UBR1: variants seen among roughly 807,000 people sequenced by gnomAD.
The protein encoded by UBR1 is ubiquitin protein ligase E3 component n-recognin 1, also known as E3 ubiquitin-protein ligase UBR1.
Under a neutral mutation model 242.1 loss-of-function variants are expected in UBR1, and 102 were observed. That is an observed-to-expected ratio of 0.42 (90% CI 0.36 to 0.50). The LOEUF (loss-of-function observed/expected upper bound fraction) is 0.50. Ranked by LOEUF, UBR1 falls within the 20% of genes least tolerant of loss-of-function variation. The pLI is 0.01. For synonymous variants in UBR1, 675 were observed against 684.8 expected (o/e 0.99, Z 0.22); for missense variants, 1,772 against 2,101.8 (o/e 0.84, Z 3.07).
chr15:42,969,949 C>CAT (rs2032176066), intron 40 of UBR1, among the ~76,000 whole-genome samples: 1 of 152,182 alleles, frequency 6.6e-6, no homozygotes, highest in Non-Finnish European at 1.5e-5. Flanking sequence ...ATGCTATCCC[C>CAT]ATCAAGCTAC....
At chr15:42,985,073 GTGTTT>G (rs2032438810) in intron 35 of UBR1, 131 bp from the exon 36 acceptor site, 10 of 781,032 alleles carry the variant, frequency 1.3e-5, no homozygotes, top group Non-Finnish European at 1.9e-5. Context: ...TCAAAGTCTT[GTGTTT>G]TAAGTCTATG....
At chr15:43,014,543 G>A (rs982628676) in intron 29 of UBR1, among the ~76,000 whole-genome samples, 11 of 151,028 alleles carry the variant, frequency 7.3e-5, no homozygotes, top group Non-Finnish European at 1.0e-4. Context: ...CGCCCCGTCT[G>A]GGATGTGAGT....
At chr15:43,099,477 A>T (rs2034200719) in intron 1 of UBR1, among the ~76,000 whole-genome samples, 2 of 152,198 alleles carry the variant, frequency 1.3e-5, no homozygotes, top group Admixed American at 6.5e-5. Context: ...AAATAACAGA[A>T]ATATTCTATA....
chr15:43,031,695 A>G (rs184237407), intron 20 of UBR1, among the ~76,000 whole-genome samples: 25 of 152,332 alleles, frequency 1.6e-4, no homozygotes, highest in Non-Finnish European at 8.8e-5. Context: ...TTGGTGCAGT[A>G]AAGTAAATAA....
chr15:42,974,855 C>T (rs1205347198), intron 39 of UBR1, among the ~76,000 whole-genome samples: 1 of 152,144 alleles, frequency 6.6e-6, no homozygotes, highest in African/African-American at 2.4e-5. Context: ...GGATTACAGG[C>T]ATGAGCCACT....
At chr15:42,965,532 C>T (rs1485622449) in intron 41 of UBR1, among the ~76,000 whole-genome samples, 5 of 150,618 alleles carry the variant, frequency 3.3e-5, no homozygotes, top group African/African-American at 7.3e-5. Flanking sequence ...GGCGCAATCT[C>T]GGCTCACTGC....
At chr15:43,099,170 C>G (rs1464912558) in intron 1 of UBR1, among the ~76,000 whole-genome samples, 1 of 152,030 alleles carries the variant, frequency 6.6e-6, no homozygotes, top group Non-Finnish European at 1.5e-5. Context: ...AATCCCGTCT[C>G]TACTAAAAAT....
At position 43,047,277 on chromosome 15, in the gene UBR1, T is replaced by C; in HGVS notation, c.1552A>G (p.Ile518Val). 1 of 1,614,136 alleles carries C rather than the reference T, an allele frequency of 6.2e-7. No homozygotes were observed. Among genetic ancestry groups the C allele is most frequent in the Non-Finnish European group, 8.5e-7 (1 of 1,180,008 alleles). Residue 518 changes from isoleucine to valine, a missense_variant, in exon 14 of 47, where the codon ATC becomes GTC. Physicochemically the swap from Ile to Val is conservative, Grantham distance 29. Coordinates refer to ENST00000290650, the MANE Select transcript of UBR1 (RefSeq NM_174916.3). The stretch of plus-strand genomic sequence containing the variant: ...ATGTGTTGCCCAACCTGTCTTCGGA[T>C]TTCTTCCATTCCCTGCAATTACAAG... The part of the protein sequence containing the change: ...ILTCMQGMEE[I>V]RRQVGQHIEV...
chr15:43,028,978 G>A (rs959614205), intron 21 of UBR1, among the ~76,000 whole-genome samples: 34 of 151,664 alleles, frequency 2.2e-4, no homozygotes, highest in African/African-American at 7.5e-4. Context: ...CCAGCTACTC[G>A]GGAGGCTGAG....
chr15:43,038,004 C>G (rs142808355), intron 16 of UBR1, 121 bp from the exon 17 acceptor site: 1 of 1,186,398 alleles, frequency 8.4e-7, no homozygotes, highest in African/African-American at 1.5e-5. Context: ...AACTAGATGA[C>G]GTCTAAGTCC....
Position 42,958,175 on chromosome 15 carries a change from A to G in UBR1, c.4758-85T>C. The G allele has an allele frequency of 4.3e-6, 4 of 923,296 alleles. No homozygotes were observed. In the South Asian group the frequency reaches 5.4e-5, roughly 12 times the overall value. The allele number at this position is 923,296 out of a possible 1,614,324, so 57.2% of individuals were successfully genotyped here. ...GCCCAAAGTGATAGAAGAATGTCTT[A>G]AAAATAACAAAAGGATCTACACTTG... On this transcript the variant is annotated intron_variant, in intron 43 of 46. Transcript: ENST00000290650.
At chr15:42,991,159 C>T (rs990352620) in intron 33 of UBR1, among the ~76,000 whole-genome samples, 2 of 151,830 alleles carry the variant, frequency 1.3e-5, no homozygotes, top group African/African-American at 4.8e-5. Flanking sequence ...GCCTGTAATC[C>T]CAGTTACCTG....
chr15:43,033,417 A>G (rs1369251000), intron 19 of UBR1, among the ~76,000 whole-genome samples: 1 of 152,170 alleles, frequency 6.6e-6, no homozygotes, highest in Non-Finnish European at 1.5e-5. Context: ...AGGCCAAGGC[A>G]TGTGGATCAC....
chr15:43,043,356 C>T lies in UBR1; in HGVS notation c.1708G>A (p.Ala570Thr). 6.2e-7 allele frequency: 1 copy of T among 1,614,066 alleles called. No homozygotes were observed. The highest frequency in any genetic ancestry group is 8.5e-7 in the Non-Finnish European group (1 of 1,180,016). ...LLVAYKECHK[A>T]VMRCSTSFIS... ...AAACTGGTACTGCACCTCATCACAG[C>T]TTTGTGACATTCTTTATAAGCCACA... Residue 570 changes from alanine to threonine, a missense_variant, in exon 15 of 47, where the codon GCT (alanine) becomes ACT (threonine). Around this residue, in one of 3 missense-constraint regions of UBR1, gnomAD observed 734 missense variants for 893.3 expected, o/e 0.82. Coordinates refer to ENST00000290650, the MANE Select transcript of UBR1 (RefSeq NM_174916.3).
chr15:43,040,493 A>G (rs1360053784), intron 15 of UBR1, among the ~76,000 whole-genome samples: 4 of 152,194 alleles, frequency 2.6e-5, no homozygotes, highest in Non-Finnish European at 4.4e-5. Context: ...AACCATAAAA[A>G]CCCTAGAAGA....
chr15:43,027,662 C>T, intron 22 of UBR1, 114 bp downstream of exon 22: 1 of 897,476 alleles, frequency 1.1e-6, no homozygotes. Flanking sequence ...ATCTGTATTC[C>T]ACTCTTATTC....
At chr15:43,077,967 C>CA (rs111273237) in intron 3 of UBR1, among the ~76,000 whole-genome samples, 2 of 151,770 alleles carry the variant, frequency 1.3e-5, no homozygotes, top group Non-Finnish European at 2.9e-5. Flanking sequence ...AGGAGAACAA[C>CA]AAAAAAAATT....
At chr15:43,022,878 T>C in intron 25 of UBR1, 77 bp from the exon 26 acceptor site, 1 of 914,314 alleles carries the variant, frequency 1.1e-6, no homozygotes, top group Non-Finnish European at 1.7e-6. Context: ...TTTAATTTTT[T>C]TCAGAGACTG....
At chr15:42,970,738 T>C in intron 39 of UBR1, 131 bp from the exon 40 acceptor site, 1 of 865,762 alleles carries the variant, frequency 1.2e-6, no homozygotes, top group Admixed American at 2.3e-5. Flanking sequence ...TTTTTTTTTT[T>C]TGAGACAGAG....
Sources: allele counts gnomAD v4.1 joint callset (sites outside exome capture counted in the v4.1 genomes callset), GRCh38; gene constraint gnomAD v4.1.1; regional missense constraint gnomAD v4.1.1; transcripts MANE v1.5; gene names NCBI Gene and HGNC (gene_info 2026-07-23, HGNC 2026-07-21).